The following ANXA4 variants were observed in gnomAD, a reference collection of about 807,000 sequenced individuals.
ANXA4 encodes the protein 35-beta calcimedin.
A neutral mutation model predicts 49.8 loss-of-function variants in ANXA4; 39 were observed. The ratio of observed to expected loss-of-function variants is 0.78; its 90% CI spans 0.61 to 1.02. The LOEUF (loss-of-function observed/expected upper bound fraction) is 1.02, where lower values mean the gene tolerates loss of function less well. Among genes scored for constraint, ANXA4 ranks in the 50% least tolerant of loss-of-function variants. The pLI, the probability that ANXA4 is intolerant of heterozygous loss-of-function variation, is 0.00. For missense variants in ANXA4, 360 were observed against 410.1 expected (o/e 0.88, Z 1.05); for synonymous variants, 134 against 152.5 (o/e 0.88, Z 0.89).
At chr2:69,703,374 A>G (rs1678393527) in intron 2 of ANXA4, among the ~76,000 whole-genome samples, 1 of 151,760 alleles carries the variant, frequency 6.6e-6, no homozygotes, top group Non-Finnish European at 1.5e-5. Flanking sequence ...CATTTTTTTC[A>G]TCACCCCCAA....
At chr2:69,724,724 G>GAA (rs1216068737) in intron 3 of ANXA4, among the ~76,000 whole-genome samples, 5 of 152,170 alleles carry the variant, frequency 3.3e-5, no homozygotes, top group Non-Finnish European at 7.4e-5. Flanking sequence ...GCTGGGGCAA[G>GAA]AAAGAAAGAT....
chr2:69,755,624 T>TA (rs1278862278), intron 1 of ANXA4, among the ~76,000 whole-genome samples: 24 of 152,308 alleles, frequency 1.6e-4, no homozygotes, highest in East Asian at 1.3e-3. Context: ...AAAATTTTTT[T>TA]AATGGTTAAA....
At chr2:69,683,217 A>G (rs924324883) in intron 2 of ANXA4, among the ~76,000 whole-genome samples, 2 of 152,198 alleles carry the variant, frequency 1.3e-5, no homozygotes, top group Admixed American at 6.5e-5. Context: ...AAATGCGGCT[A>G]AAAGTTCCCA....
intron 1 of ANXA4, among the ~76,000 whole-genome samples, chr2:69,780,350 A>AC (rs1244205526): frequency 6.6e-6 from 1 of 151,764 alleles, no homozygotes; most frequent in Non-Finnish European, 1.5e-5. Flanking sequence ...GTGTGCCACT[A>AC]CCCCCCAGCT....
chr2:69,737,511 C>T (rs1043385338), upstream of ANXA4, among the ~76,000 whole-genome samples: 1 of 152,068 alleles, frequency 6.6e-6, no homozygotes, highest in African/African-American at 2.4e-5. Context: ...ATCTTCTTAA[C>T]ATTCTACTCA....
intron 1 of ANXA4, among the ~76,000 whole-genome samples, chr2:69,757,266 A>ATATATAT (rs1424932911): frequency 3.6e-5 from 1 of 27,644 alleles, no homozygotes. Flanking sequence ...ATATATATAT[A>ATATATAT]TTTTTTTTTT....
At chr2:69,801,275 C>T (rs1465378009) in intron 3 of ANXA4, among the ~76,000 whole-genome samples, 2 of 152,096 alleles carry the variant, frequency 1.3e-5, no homozygotes, top group Non-Finnish European at 2.9e-5. Flanking sequence ...CTTTCAGTTT[C>T]CTTATCTACG....
At chr2:69,676,372 G>A (rs116340194) in intron 2 of ANXA4, among the ~76,000 whole-genome samples, 26 of 152,250 alleles carry the variant, frequency 1.7e-4, no homozygotes, top group African/African-American at 2.6e-4. Flanking sequence ...AGTCTCATGC[G>A]TAGTGAATGA....
intron 1 of ANXA4, among the ~76,000 whole-genome samples, chr2:69,760,933 G>A (rs1671257424): frequency 6.6e-6 from 1 of 151,988 alleles, no homozygotes; most frequent in Admixed American, 6.6e-5. Flanking sequence ...AGGCCAAGGT[G>A]GGAGGATAGC....
intron 3 of ANXA4, among the ~76,000 whole-genome samples, chr2:69,794,259 A>G (rs954872119): frequency 1.3e-5 from 2 of 152,190 alleles, no homozygotes; most frequent in African/African-American, 2.4e-5. Context: ...GTGTGGGGTT[A>G]AACAGTTATT....
chr2:69,718,318 A>G (rs1414973133), intron 2 of ANXA4, among the ~76,000 whole-genome samples: 2 of 152,218 alleles, frequency 1.3e-5, no homozygotes, highest in Admixed American at 6.5e-5. Context: ...GGATTGCAAT[A>G]TAAATGGCAC....
At chr2:69,644,162 A>T (rs2105285410), upstream of ANXA4, among the ~76,000 whole-genome samples, 1 of 42,944 alleles carries the variant, frequency 2.3e-5, no homozygotes, top group South Asian at 1.0e-3. Flanking sequence ...CCAACAACTA[A>T]GTTCCCCCCC....
Position 69,784,871 on chromosome 2 carries a change from T to C in ANXA4, c.10-3183T>C, listed in dbSNP as rs75697681. Among the ~76,000 whole-genome samples the C allele has an allele frequency of 3.0e-3, 462 of 152,314 alleles. 5 individuals are homozygous for C. Among genetic ancestry groups the C allele is most frequent in the Middle Eastern group, 0.024 (7 of 294 alleles). ...ATACGGTGCTCACCCCTTGTATGTC[T>C]CTGTCTTCTCATATCCACATCTTCT... On this transcript the variant is annotated intron_variant, in intron 2 of 12. Coordinates refer to ENST00000394295, the MANE Select transcript of ANXA4 (RefSeq NM_001153.5).
intron 2 of ANXA4, among the ~76,000 whole-genome samples, chr2:69,666,914 T>C (rs537626422): frequency 1.3e-5 from 2 of 152,162 alleles, no homozygotes; most frequent in East Asian, 3.9e-4. Context: ...AGCGTGTTGG[T>C]GCACACCTGT....
chr2:69,781,253 A>G (rs1259126697), intron 1 of ANXA4: 1 of 487,792 alleles, frequency 2.1e-6, no homozygotes, highest in African/African-American at 2.0e-5. Flanking sequence ...ACCTAACAAA[A>G]CAATAGGAAT....
chr2:69,695,666 T>C (rs1293908006), intron 2 of ANXA4, among the ~76,000 whole-genome samples: 1 of 152,160 alleles, frequency 6.6e-6, no homozygotes, highest in East Asian at 1.9e-4. Context: ...TACCTTACCC[T>C]GTAAGATTAA....
chr2:69,685,393 A>G (rs1285093969), intron 2 of ANXA4, among the ~76,000 whole-genome samples: 1 of 152,184 alleles, frequency 6.6e-6, no homozygotes, highest in Non-Finnish European at 1.5e-5. Context: ...ACAGAGAGAT[A>G]TAAACTGAAT....
upstream of ANXA4, among the ~76,000 whole-genome samples, chr2:69,741,505 T>C (rs1670395029): frequency 6.6e-6 from 1 of 152,260 alleles, no homozygotes; most frequent in Non-Finnish European, 1.5e-5. Flanking sequence ...AAAGCTTTCC[T>C]GGCCTGCTGG....
At chr2:69,804,314 T>C (rs1311061158) in intron 3 of ANXA4, among the ~76,000 whole-genome samples, 1 of 152,034 alleles carries the variant, frequency 6.6e-6, no homozygotes, top group Non-Finnish European at 1.5e-5. Flanking sequence ...GTTTAGAAAG[T>C]TAACCATTTT....
Sources: gnomAD v4.1 joint callset for allele counts (sites outside exome capture counted in the v4.1 genomes callset) on GRCh38, gnomAD v4.1.1 for gene constraint, MANE v1.5 for transcripts, NCBI Gene and HGNC (gene_info 2026-07-23, HGNC 2026-07-21) for gene names.